The following RAP1GAP variants were observed in gnomAD, a reference collection of about 807,000 sequenced individuals.
The protein encoded by RAP1GAP is rap1 GTPase-activating protein 1.
In RAP1GAP, 35 loss-of-function variants were observed where a neutral mutation model predicts 87.2. That is an observed-to-expected ratio of 0.40 (90% CI 0.31 to 0.53). The LOEUF is 0.53. Ranked by LOEUF, RAP1GAP falls within the 20% of genes least tolerant of loss-of-function variation. The pLI is 0.48. For missense variants in RAP1GAP, 734 were observed against 898.9 expected (o/e 0.82, Z 2.35); for synonymous variants, 375 against 363.9 (o/e 1.03, Z -0.35).
chr1:21,611,379 A>T, intron 13 of RAP1GAP, 73 bp downstream of exon 13: 1 of 1,534,990 alleles, frequency 6.5e-7, no homozygotes, highest in South Asian at 1.2e-5. Flanking sequence ...GCCTGGCGTG[A>T]TGGAGGCTGA....
At chr1:21,658,738 T>A (rs941962249) in intron 1 of RAP1GAP, among the ~76,000 whole-genome samples, 1 of 152,032 alleles carries the variant, frequency 6.6e-6, no homozygotes, top group Admixed American at 6.6e-5. Flanking sequence ...TTAATTTTTT[T>A]AAATCTAAGG....
At chr1:21,601,573 C>A in intron 20 of RAP1GAP, 111 bp downstream of exon 20, 1 of 715,706 alleles carries the variant, frequency 1.4e-6, no homozygotes, top group Non-Finnish European at 2.1e-6. Flanking sequence ...CCCCCTGACA[C>A]CCTGCTGTGG....
chr1:21,656,628 A>G (rs1228089742), intron 1 of RAP1GAP, among the ~76,000 whole-genome samples: 1 of 152,126 alleles, frequency 6.6e-6, no homozygotes, highest in Non-Finnish European at 1.5e-5. Flanking sequence ...GGGAGGGAAG[A>G]GTGGGTGTGA....
At chr1:21,618,320 G>T (rs920764604) in intron 5 of RAP1GAP, among the ~76,000 whole-genome samples, 29 of 152,146 alleles carry the variant, frequency 1.9e-4, no homozygotes, top group African/African-American at 6.0e-4. Flanking sequence ...GACGCTGCTG[G>T]TGTGAGGGCC....
chr1:21,644,420 G>A (rs1483093034), intron 2 of RAP1GAP, among the ~76,000 whole-genome samples: 1 of 152,122 alleles, frequency 6.6e-6, no homozygotes, highest in East Asian at 1.9e-4. Flanking sequence ...CCTTGAACAG[G>A]TTACTTAACC....
At chr1:21,602,769 G>GCT in intron 19 of RAP1GAP, 35 bp downstream of exon 19, 1 of 1,550,516 alleles carries the variant, frequency 6.4e-7, no homozygotes. Context: ...GGATGGGGAT[G>GCT]CAGGGGAATG....
rs548490384 is a variant in RAP1GAP, at chr1:21,606,541, C to T, written c.1297-344G>A. Among the ~76,000 whole-genome samples, 11 of 152,290 alleles carry T rather than the reference C, an allele frequency of 7.2e-5. No individual in the cohort carries two copies. The East Asian group carries it at 1.5e-3, about 21-fold the overall frequency. On this transcript the variant is annotated intron_variant, in intron 17 of 24. Coordinates refer to ENST00000374765, the MANE Select transcript of RAP1GAP (RefSeq NM_002885.4). Reference sequence around the variant, plus strand: ...TGTGCTGAGTGTCCTCATGTGGCTGCGTAAGGACTGCAGAAGACACTGGGT... The same window carrying T: ...TGTGCTGAGTGTCCTCATGTGGCTGTGTAAGGACTGCAGAAGACACTGGGT...
At chr1:21,625,766 G>T (rs553458590) in intron 3 of RAP1GAP, among the ~76,000 whole-genome samples, 1 of 152,190 alleles carries the variant, frequency 6.6e-6, no homozygotes, top group South Asian at 2.1e-4. Context: ...CTTGAGAGCA[G>T]GATCTGTATC....
chr1:21,617,191 C>G, intron 7 of RAP1GAP, 115 bp downstream of exon 7: 1 of 1,239,888 alleles, frequency 8.1e-7, no homozygotes, highest in Non-Finnish European at 1.1e-6. Context: ...ACTCAGGGCT[C>G]TAGGACTGTC....
Position 21,603,286 on chromosome 1 carries a change from C to A in RAP1GAP, c.1429-373G>T. 1 of 390,410 alleles carries A rather than the reference C, an allele frequency of 2.6e-6. No individual in the cohort carries two copies. The highest frequency in any genetic ancestry group is 4.7e-6 in the Non-Finnish European group (1 of 215,020). 24.2% of individuals were successfully genotyped at this position (390,410 alleles called of 1,614,324 possible). The stretch of plus-strand genomic sequence containing the variant: ...GTGGTCAGAGGGCAGTGTAGCAACC[C>A]AAGTCCCACCCCGTGCCAGCTAGGG... On this transcript the variant is annotated intron_variant, in intron 18 of 24. Transcript: ENST00000374765. This position sits in a 1 kb window ranked among gnomAD's most constrained non-coding sequence, Gnocchi z 6.0.
chr1:21,637,005 G>A (rs1044892848), intron 2 of RAP1GAP, among the ~76,000 whole-genome samples: 1 of 151,602 alleles, frequency 6.6e-6, no homozygotes, highest in Non-Finnish European at 1.5e-5. Context: ...GTAAGGTACC[G>A]AGCTCTGCAT....
Position 21,669,169 on chromosome 1 carries a change from G to C in RAP1GAP, c.-149+85C>G, listed in dbSNP as rs2097499755. 7.5e-6 allele frequency: 9 copies of C among 1,200,072 alleles called. No homozygotes were observed. In the South Asian group the frequency reaches 8.6e-5, roughly 11 times the overall value. The allele number at this position is 1,200,072 out of a possible 1,614,324, so 74.3% of individuals were successfully genotyped here. A position where few individuals can be genotyped will look rare whatever the true frequency, so the allele number is the denominator to read the frequency against. On this transcript the variant is annotated intron_variant, in intron 1 of 24. Transcript: ENST00000374765. This position sits in a 1 kb window ranked among gnomAD's most constrained non-coding sequence, Gnocchi z 5.6. The stretch of plus-strand genomic sequence containing the variant: ...CCTCCGTCCCCGCCCGCCCGCGCGG[G>C]GTCTTCGCTGCGAGCCGACGGGAGT...
Position 21,619,048 on chromosome 1 carries a change from A to C in RAP1GAP, c.43T>G (p.Cys15Gly). 1 of 1,602,592 alleles carries C rather than the reference A, an allele frequency of 6.2e-7. No homozygotes were observed. Among genetic ancestry groups the C allele is most frequent in the Non-Finnish European group, 8.5e-7 (1 of 1,173,966 alleles). Residue 15 changes from cysteine to glycine, a missense_variant, in exon 5 of 25, where the codon TGC (cysteine) becomes GGC (glycine). Transcript: ENST00000374765. ...ACTTTGAGGGGCGGCGGGAAGGAGC[A>C]GCGTTGTTCATCCATCCTGCTTCCC... is the stretch of plus-strand genomic sequence containing the variant. ...MQGSRMDEQR[C>G]SFPPPLKTEE...
chr1:21,623,567 C>T (rs1218469081), intron 3 of RAP1GAP, among the ~76,000 whole-genome samples: 3 of 152,238 alleles, frequency 2.0e-5, no homozygotes, highest in Admixed American at 6.5e-5. Context: ...AGTGGCTGCC[C>T]ACCACCCTCC....
At position 21,609,665 on chromosome 1, in the gene RAP1GAP, G is replaced by C. The variant is rs762283481; in HGVS notation, c.1000-19C>G. The stretch of plus-strand genomic sequence containing the variant: ...CAGAGACCTGGAAGGGAGGGCAGCT[G>C]TCTGTTCCTGTGGAGCCTGGGGTCT... On this transcript the variant is annotated intron_variant, in intron 14 of 24. Transcript: ENST00000374765. This position sits in a 1 kb window ranked among gnomAD's most constrained non-coding sequence, Gnocchi z 4.4. 13 of 1,546,892 alleles carry C rather than the reference G, an allele frequency of 8.4e-6. No homozygotes were observed. In the African/African-American group the frequency reaches 1.1e-4, roughly 13 times the overall value.
At chr1:21,604,848 G>A (rs2072827221) in intron 18 of RAP1GAP, among the ~76,000 whole-genome samples, 1 of 66,694 alleles carries the variant, frequency 1.5e-5, no homozygotes, top group Non-Finnish European at 3.7e-5. Context: ...GATAGAGATG[G>A]ATGGATGGAT....
At chr1:21,644,407 G>A (rs996219608) in intron 2 of RAP1GAP, among the ~76,000 whole-genome samples, 4 of 152,102 alleles carry the variant, frequency 2.6e-5, no homozygotes, top group Non-Finnish European at 4.4e-5. Flanking sequence ...CTTTGCCAAG[G>A]GACCTTGAAC....
chr1:21,617,914 G>A lies in RAP1GAP; in HGVS notation c.105+20C>T, dbSNP rs756470806. The A allele has an allele frequency of 3.7e-5, 59 of 1,613,978 alleles. No homozygotes were observed. The highest frequency in any genetic ancestry group is 6.7e-5 in the East Asian group (3 of 44,892). The stretch of plus-strand genomic sequence containing the variant: ...CTCCTGGGCTTGAGTAAGGGTGGGC[G>A]CGGGGTTCTAGCTGAGTACCTCGTG... On this transcript the variant is annotated intron_variant, in intron 6 of 24. Coordinates refer to ENST00000374765, the MANE Select transcript of RAP1GAP (RefSeq NM_002885.4).
intron 10 of RAP1GAP, 106 bp from the exon 11 acceptor site, chr1:21,612,215 C>T: frequency 2.4e-6 from 2 of 846,682 alleles, no homozygotes; most frequent in Non-Finnish European, 3.9e-6. Flanking sequence ...CACGTCACGT[C>T]ATGTGATTCT....
Sources: gnomAD v4.1 joint callset for allele counts (sites outside exome capture counted in the v4.1 genomes callset) on GRCh38, gnomAD v4.1.1 for gene constraint, Gnocchi (gnomAD v3.1) non-coding constraint, MANE v1.5 for transcripts, NCBI Gene and HGNC (gene_info 2026-07-23, HGNC 2026-07-21) for gene names.